The following ANKHD1 variants were observed in gnomAD, a reference collection of about 807,000 sequenced individuals.
ANKHD1 encodes ankyrin repeat and KH domain-containing protein 1.
ANKHD1 carries 31 observed loss-of-function variants against 230.5 expected under a neutral mutation model. The observed-to-expected ratio is 0.13, with a 90% CI of 0.10 to 0.18. The LOEUF is 0.18. ANKHD1 is among the 10% of genes least tolerant of loss of function. The pLI is 1.00. For missense variants in ANKHD1, 2,256 were observed against 3,071.3 expected (o/e 0.73, Z 6.27); for synonymous variants, 1,074 against 1,117.6 (o/e 0.96, Z 0.78).
Position 140,440,200 on chromosome 5 carries a change from A to T in ANKHD1, c.699A>T (p.Glu233Asp). 6.2e-7 allele frequency: 1 copy of T among 1,613,738 alleles called. No individual in the cohort carries two copies. The highest frequency in any genetic ancestry group is 8.5e-7 in the Non-Finnish European group (1 of 1,179,778). ...KLLDEGRSVN[E>D]HTEEGESLLC... ...TAGATGAAGGCAGAAGTGTAAATGA[A>T]CATACAGAAGAAGGAGAAAGCCTGC... The change falls in exon 4 of 34, where the codon GAA becomes GAT. Residue 233 changes from glutamate to aspartate, a missense_variant. Transcript: ENST00000360839.
At position 140,460,492 on chromosome 5, in the gene ANKHD1, T is replaced by C. The variant is rs534800751; in HGVS notation, c.1672+1137T>C. ...CAACCTCAGTTTTTCCTTTGAATTA[T>C]TATTGAAATAATTTGTTAAACCAGA... is the stretch of plus-strand genomic sequence containing the variant. On this transcript the variant is annotated intron_variant, in intron 9 of 33. Transcript: ENST00000360839. 7.2e-5 allele frequency among the ~76,000 whole-genome samples: 11 copies of C among 152,282 alleles called. No individual in the cohort carries two copies. In the East Asian group the frequency reaches 2.1e-3, roughly 29 times the overall value.
intron 24 of ANKHD1, among the ~76,000 whole-genome samples, chr5:140,515,997 T>C (rs979579925): frequency 1.3e-5 from 2 of 152,136 alleles, no homozygotes; most frequent in Admixed American, 1.3e-4. Flanking sequence ...CAAATTACTC[T>C]GAGCTACGGG....
Position 140,512,268 on chromosome 5 carries a change from T to C in ANKHD1, c.4105-560T>C, listed in dbSNP as rs528608322. On this transcript the variant is annotated intron_variant, in intron 22 of 33. Coordinates refer to ENST00000360839, the MANE Select transcript of ANKHD1 (RefSeq NM_017747.3). The stretch of plus-strand genomic sequence containing the variant: ...AAAAAAAAAAAAGATATGCTTAGAA[T>C]TGATTACAGATCTTTCAACCCTTGA... Among the ~76,000 whole-genome samples the C allele has an allele frequency of 1.3e-4, 20 of 151,992 alleles. No individual in the cohort carries two copies. In the South Asian group the frequency reaches 3.9e-3, roughly 30 times the overall value.
intron 1 of ANKHD1, among the ~76,000 whole-genome samples, chr5:140,411,556 G>C (rs1472095397): frequency 7.5e-6 from 1 of 132,682 alleles, no homozygotes; most frequent in Non-Finnish European, 1.5e-5. Context: ...GTCTCACTCT[G>C]TTGCCCAGGC....
intron 20 of ANKHD1, among the ~76,000 whole-genome samples, chr5:140,508,306 C>T (rs190220949): frequency 6.6e-6 from 1 of 152,316 alleles, no homozygotes; most frequent in Admixed American, 6.5e-5. Flanking sequence ...ACACTGTAGA[C>T]TTTTAAAGAA....
rs561130135 is a variant in ANKHD1 at position 140,536,773 on chromosome 5, C to T, written c.7028-616C>T. 5.1e-4 allele frequency among the ~76,000 whole-genome samples: 78 copies of T among 152,212 alleles called. No homozygotes were observed. The South Asian group carries it at 0.013, about 25-fold the overall frequency. ...GCGTGGTGGCTCACGTCTGTAATCC[C>T]AGCACTTTGGGAGGCTGAGACGGGC... On this transcript the variant is annotated intron_variant, in intron 30 of 33. Coordinates refer to ENST00000360839, the MANE Select transcript of ANKHD1 (RefSeq NM_017747.3).
At chr5:140,423,952 T>A (rs1561697752) in intron 1 of ANKHD1, among the ~76,000 whole-genome samples, 1 of 152,220 alleles carries the variant, frequency 6.6e-6, no homozygotes, top group Non-Finnish European at 1.5e-5. Flanking sequence ...TCTCCCATGC[T>A]GTCTTGTCAT....
rs578019002 is a variant in ANKHD1, at chr5:140,451,600, T to C, written c.1242+2295T>C. Among the ~76,000 whole-genome samples, 8 of 152,256 alleles carry C rather than the reference T, an allele frequency of 5.3e-5. No individual in the cohort carries two copies. In the South Asian group the frequency reaches 1.7e-3, roughly 32 times the overall value. On this transcript the variant is annotated intron_variant, in intron 7 of 33. Coordinates refer to ENST00000360839, the MANE Select transcript of ANKHD1 (RefSeq NM_017747.3). ...TTGGCTCACTGCAACCTCTGCCTCCTATGCTGAAGCAGTCCCTCTGCCCTC... is the reference window on the plus strand; with the variant it reads ...TTGGCTCACTGCAACCTCTGCCTCCCATGCTGAAGCAGTCCCTCTGCCCTC...
chr5:140,516,995 A>C (rs958397319), intron 24 of ANKHD1, among the ~76,000 whole-genome samples: 2 of 151,932 alleles, frequency 1.3e-5, no homozygotes, highest in African/African-American at 2.4e-5. Context: ...ACAGACTGGC[A>C]AATTGGATAA....
Position 140,449,233 on chromosome 5 carries a change from T to C in ANKHD1, c.1170T>C (p.Phe390=), listed in dbSNP as rs901511343. Reference sequence around the variant, plus strand: ...AAGGCCATTTGGATATGGTTCGCTTTCTACTTGAAGCTGGTGCAGATCAAG... The same window carrying C: ...AAGGCCATTTGGATATGGTTCGCTTCCTACTTGAAGCTGGTGCAGATCAAG... ...CYKGHLDMVR[F]LLEAGADQEH... The change falls in exon 7 of 34, where the codon TTT becomes TTC. Residue 390 remains phenylalanine, a synonymous_variant. Coordinates refer to ENST00000360839, the MANE Select transcript of ANKHD1 (RefSeq NM_017747.3). The C allele has an allele frequency of 6.2e-7, 1 of 1,613,550 alleles. No individual in the cohort carries two copies. Among genetic ancestry groups the C allele is most frequent in the African/African-American group, 1.3e-5 (1 of 75,058 alleles).
chr5:140,476,813 C>A (rs976156773), intron 10 of ANKHD1, among the ~76,000 whole-genome samples: 1 of 151,940 alleles, frequency 6.6e-6, no homozygotes, highest in Non-Finnish European at 1.5e-5. Context: ...AGTTTAAAAA[C>A]CTAAATTTTA....
rs2127088794 is a variant in ANKHD1, at chr5:140,528,893, T to C, written c.5947T>C (p.Cys1983Arg). 1 of 1,614,198 alleles carries C rather than the reference T, an allele frequency of 6.2e-7. No homozygotes were observed. Among genetic ancestry groups the C allele is most frequent in the East Asian group, 2.2e-5 (1 of 44,890 alleles). ...AGTGATTTCTTCTGTGACAAGCACT[T>C]GTAGTTCCCTGCCTTCTGTCTCCTC... The part of the protein sequence containing the change: ...ATVISSVTST[C>R]SSLPSVSSAP... The change falls in exon 29 of 34, where the codon TGT becomes CGT. Residue 1983 changes from cysteine (C) to arginine (R), a missense_variant. This residue lies in a region of ANKHD1 where 778 missense variants were observed against 966.5 expected (regional missense o/e 0.80). Coordinates refer to ENST00000360839, the MANE Select transcript of ANKHD1 (RefSeq NM_017747.3).
intron 6 of ANKHD1, 69 bp downstream of exon 6, chr5:140,446,044 T>C (rs1774254220): frequency 7.1e-7 from 1 of 1,401,492 alleles, no homozygotes; most frequent in Non-Finnish European, 9.4e-7. Flanking sequence ...GTATTGAGTA[T>C]TTGAGTTTAC....
At chr5:140,482,550 G>T in intron 10 of ANKHD1, 30 bp from the exon 11 acceptor site, 2 of 1,605,828 alleles carry the variant, frequency 1.2e-6, no homozygotes, top group East Asian at 2.2e-5. Flanking sequence ...TGTTGGCATT[G>T]ATGGATTATT....
chr5:140,449,125 C>A, intron 6 of ANKHD1, 86 bp from the exon 7 acceptor site: 1 of 1,314,092 alleles, frequency 7.6e-7, no homozygotes, highest in Non-Finnish European at 1.0e-6. Flanking sequence ...CTTGTATAGA[C>A]ATCTGAAGAA....
At chr5:140,531,298 C>A in intron 29 of ANKHD1, 1 of 423,898 alleles carries the variant, frequency 2.4e-6, no homozygotes, top group Non-Finnish European at 4.7e-6. Flanking sequence ...GTAGTAATAC[C>A]GACTGAGCGT....
chr5:140,518,106 A>G (rs1483732745), intron 24 of ANKHD1, among the ~76,000 whole-genome samples: 1 of 152,268 alleles, frequency 6.6e-6, no homozygotes, highest in Non-Finnish European at 1.5e-5. Context: ...TAAAGGGGAT[A>G]TCACCACTGA....
Position 140,505,151 on chromosome 5 carries a change from A to C in ANKHD1, c.3180A>C (p.Thr1060=). 6.2e-7 allele frequency: 1 copy of C among 1,614,126 alleles called. No homozygotes were observed. The highest frequency in any genetic ancestry group is 8.5e-7 in the Non-Finnish European group (1 of 1,180,008). ...HTESNHDTAL[T]LACAGGHEEL... ...AGAGCAATCATGACACAGCATTAACACTAGCTTGTGCAGGTGGTCATGAAG... is the reference window on the plus strand; with the variant it reads ...AGAGCAATCATGACACAGCATTAACCCTAGCTTGTGCAGGTGGTCATGAAG... The change falls in exon 17 of 34, where the codon ACA becomes ACC. Residue 1060 remains threonine (T), a synonymous_variant. Transcript: ENST00000360839.
chr5:140,458,131 G>GGT (rs1212549204), intron 7 of ANKHD1, among the ~76,000 whole-genome samples: 1 of 152,148 alleles, frequency 6.6e-6, no homozygotes, highest in Non-Finnish European at 1.5e-5. Flanking sequence ...AATCCCAAGT[G>GGT]GTAACGACTT....
Sources: gnomAD v4.1 joint callset for allele counts (sites outside exome capture counted in the v4.1 genomes callset) on GRCh38, gnomAD v4.1.1 for gene constraint, gnomAD v4.1.1 regional missense constraint, MANE v1.5 for transcripts, NCBI Gene and HGNC (gene_info 2026-07-23, HGNC 2026-07-21) for gene names.